Variants in SLC14A2 observed in about 807,000 individuals in gnomAD.
SLC14A2 encodes the protein solute carrier family 14 member 2.
Under a neutral mutation model 104.6 loss-of-function variants are expected in SLC14A2, and 91 were observed. That is an observed-to-expected ratio of 0.87 (90% confidence interval 0.73 to 1.04). The LOEUF (loss-of-function observed/expected upper bound fraction) is 1.04, where lower values mean the gene tolerates loss of function less well. SLC14A2 is among the 50% of genes least tolerant of loss of function. SLC14A2 has a pLI of 0.00. For missense variants in SLC14A2, 1,189 were observed against 1,156.0 expected (o/e 1.03, Z -0.41); for synonymous variants, 476 against 466.4 (o/e 1.02, Z -0.27).
At chr18:45,458,014 G>T (rs558988613) in intron 1 of SLC14A2, among the ~76,000 whole-genome samples, 1 of 152,188 alleles carries the variant, frequency 6.6e-6, no homozygotes, top group Non-Finnish European at 1.5e-5. Flanking sequence ...GTAGGAGAAT[G>T]GTGTTGGAAA....
At chr18:45,312,568 A>T (rs1317482688) in intron 1 of SLC14A2, among the ~76,000 whole-genome samples, 6 of 152,142 alleles carry the variant, frequency 3.9e-5, no homozygotes, top group Admixed American at 6.5e-5. Flanking sequence ...ATGGGGGGAA[A>T]ATGTGGATCA....
At chr18:45,512,410 TTGCC>T (rs1160872868) in intron 2 of SLC14A2, among the ~76,000 whole-genome samples, 2 of 152,064 alleles carry the variant, frequency 1.3e-5, no homozygotes, top group African/African-American at 4.8e-5. Flanking sequence ...ACCCAGAAAA[TTGCC>T]TGATGCATAC....
At chr18:45,227,974 T>A (rs1260912090) in intron 1 of SLC14A2, among the ~76,000 whole-genome samples, 1 of 152,238 alleles carries the variant, frequency 6.6e-6, no homozygotes, top group Non-Finnish European at 1.5e-5. Flanking sequence ...AGAGGTACTT[T>A]GTGTTTCATT....
At chr18:45,572,580 C>T (rs1454331861) in intron 2 of SLC14A2, among the ~76,000 whole-genome samples, 1 of 152,166 alleles carries the variant, frequency 6.6e-6, no homozygotes, top group Non-Finnish European at 1.5e-5. Flanking sequence ...CAGGAGTGCC[C>T]CTCCTCACTA....
intron 1 of SLC14A2, among the ~76,000 whole-genome samples, chr18:45,623,499 C>T (rs1568302555): frequency 6.6e-6 from 1 of 152,122 alleles, no homozygotes; most frequent in East Asian, 1.9e-4. Flanking sequence ...AGATAAGCCT[C>T]AAAGAAGAAG....
chr18:45,443,364 C>CA (rs1345085623), intron 1 of SLC14A2, among the ~76,000 whole-genome samples: 2 of 152,018 alleles, frequency 1.3e-5, no homozygotes, highest in Admixed American at 1.3e-4. Flanking sequence ...TACAACTGGA[C>CA]AAAAAAAGGC....
intron 13 of SLC14A2, 116 bp downstream of exon 13, chr18:45,667,210 T>C (rs899571537): frequency 1.4e-6 from 1 of 728,008 alleles, no homozygotes; most frequent in Non-Finnish European, 2.2e-6. Context: ...TAGACTGCAC[T>C]CTGTTACTGT....
At chr18:45,342,641 A>C (rs897680575) in intron 1 of SLC14A2, among the ~76,000 whole-genome samples, 2 of 152,274 alleles carry the variant, frequency 1.3e-5, no homozygotes, top group Non-Finnish European at 2.9e-5. Flanking sequence ...AGTGTCTTGC[A>C]GAAAGATAAT....
chr18:45,646,456 C>G (rs2144572427), intron 10 of SLC14A2: 1 of 152,312 alleles, frequency 6.6e-6, no homozygotes, highest in Admixed American at 6.5e-5. Flanking sequence ...TAACCAGAAC[C>G]AGAGACCCCA....
intron 1 of SLC14A2, among the ~76,000 whole-genome samples, chr18:45,411,880 A>C (rs2086219168): frequency 1.3e-5 from 2 of 152,136 alleles, no homozygotes; most frequent in African/African-American, 4.8e-5. Context: ...TGGATGATTG[A>C]GTCAGTATCA....
chr18:45,225,194 T>G (rs1364752762), intron 1 of SLC14A2, among the ~76,000 whole-genome samples: 1 of 152,170 alleles, frequency 6.6e-6, no homozygotes, highest in Non-Finnish European at 1.5e-5. Flanking sequence ...GGATCCAGTT[T>G]CAGCTTTCTA....
At chr18:45,425,364 G>A (rs1189264738) in intron 1 of SLC14A2, among the ~76,000 whole-genome samples, 1 of 152,210 alleles carries the variant, frequency 6.6e-6, no homozygotes, top group East Asian at 1.9e-4. Flanking sequence ...CTTTGGTTTT[G>A]ATTTGAAATA....
chr18:45,587,768 A>G (rs913764630), intron 2 of SLC14A2, among the ~76,000 whole-genome samples: 28 of 152,198 alleles, frequency 1.8e-4, no homozygotes, highest in African/African-American at 6.5e-4. Context: ...AGGCAGGTGA[A>G]GATAGTGAGG....
intron 2 of SLC14A2, among the ~76,000 whole-genome samples, chr18:45,582,696 C>T (rs539347287): frequency 9.2e-4 from 140 of 152,256 alleles, no homozygotes; most frequent in African/African-American, 3.3e-3. Context: ...TGCTCTCCCA[C>T]CACCCTTTAC....
chr18:45,676,624 G>A (rs2046233794), intron 18 of SLC14A2, among the ~76,000 whole-genome samples: 1 of 152,056 alleles, frequency 6.6e-6, no homozygotes. Context: ...GCATCTAATG[G>A]GTAAAATCCA....
At chr18:45,619,816 C>G (rs929361553) in intron 1 of SLC14A2, among the ~76,000 whole-genome samples, 2 of 152,144 alleles carry the variant, frequency 1.3e-5, no homozygotes, top group Non-Finnish European at 2.9e-5. Context: ...TCTGGCTGCT[C>G]CCACCCTCTC....
intron 1 of SLC14A2, among the ~76,000 whole-genome samples, chr18:45,479,578 C>A (rs1459546599): frequency 6.6e-6 from 1 of 152,138 alleles, no homozygotes; most frequent in Non-Finnish European, 1.5e-5. Flanking sequence ...AGTTAGAGTA[C>A]CTAGCACACA....
At chr18:45,394,093 A>C (rs958698150) in intron 1 of SLC14A2, among the ~76,000 whole-genome samples, 2 of 152,222 alleles carry the variant, frequency 1.3e-5, no homozygotes, top group Non-Finnish European at 2.9e-5. Flanking sequence ...CAGAAATATT[A>C]TGAACATTGA....
chr18:45,545,426 G>C (rs1381480127), intron 2 of SLC14A2, among the ~76,000 whole-genome samples: 2 of 152,068 alleles, frequency 1.3e-5, no homozygotes, highest in South Asian at 4.1e-4. Flanking sequence ...ATTTTCTTTT[G>C]CTACAGTCAA....
Sources: allele counts gnomAD v4.1 joint callset (sites outside exome capture counted in the v4.1 genomes callset), GRCh38; gene constraint gnomAD v4.1.1; transcripts MANE v1.5; gene names NCBI Gene and HGNC (gene_info 2026-07-23, HGNC 2026-07-21).